Variants in COMMD1 observed in about 807,000 individuals in gnomAD.
COMMD1 encodes copper metabolism domain containing 1, also known as COMM domain-containing protein 1.
COMMD1 carries 10 observed loss-of-function variants against 17.2 expected under a neutral mutation model. That is an observed-to-expected ratio of 0.58 (90% CI 0.36 to 0.99). The LOEUF (loss-of-function observed/expected upper bound fraction) is 0.99, where lower values mean the gene tolerates loss of function less well. Ranked by LOEUF, COMMD1 falls within the 50% of genes least tolerant of loss-of-function variation. COMMD1 has a pLI of 0.01. For missense variants in COMMD1, 270 were observed against 231.8 expected, an observed-to-expected ratio of 1.17 and a Z score of -1.07; for synonymous variants, 97 against 91.6, an observed-to-expected ratio of 1.06 and a Z score of -0.34.
At chr2:62,121,897 TC>T (rs1437863319) in intron 2 of COMMD1, among the ~76,000 whole-genome samples, 2 of 152,156 alleles carry the variant, frequency 1.3e-5, no homozygotes, top group Admixed American at 1.3e-4. Flanking sequence ...GCTCAGGTGA[TC>T]CTCCCACCTC....
At chr2:62,096,732 ATGTCCCAAATACTTAAC>A (rs1672021788) in intron 2 of COMMD1, among the ~76,000 whole-genome samples, 1 of 152,218 alleles carries the variant, frequency 6.6e-6, no homozygotes, top group African/African-American at 2.4e-5. Flanking sequence ...GGGAAATCAT[ATGTCCCAAATACTTAAC>A]TTGGGGAGGC....
intron 2 of COMMD1, among the ~76,000 whole-genome samples, chr2:62,088,761 C>A (rs1179036501): frequency 6.6e-6 from 1 of 152,188 alleles, no homozygotes; most frequent in Non-Finnish European, 1.5e-5. Flanking sequence ...GAGATTTATT[C>A]TGAGCTAAAT....
intron 1 of COMMD1, among the ~76,000 whole-genome samples, chr2:61,981,880 G>T (rs1671963785): frequency 6.6e-6 from 1 of 152,132 alleles, no homozygotes; most frequent in African/African-American, 2.4e-5. Flanking sequence ...AACCATATCA[G>T]TTACTATAGC....
At chr2:62,134,931 A>G (rs1408254847) in intron 2 of COMMD1, among the ~76,000 whole-genome samples, 1 of 152,220 alleles carries the variant, frequency 6.6e-6, no homozygotes, top group African/African-American at 2.4e-5. Flanking sequence ...AGATCTGGTT[A>G]TCTTTCAGTT....
intron 1 of COMMD1, among the ~76,000 whole-genome samples, chr2:61,898,422 G>A (rs1669594536): frequency 1.3e-5 from 2 of 152,186 alleles, no homozygotes; most frequent in Admixed American, 1.3e-4. Context: ...TTTGCAGTAA[G>A]CTGGGATCAC....
At chr2:62,038,236 C>T (rs957696781) in intron 2 of COMMD1, among the ~76,000 whole-genome samples, 4 of 152,066 alleles carry the variant, frequency 2.6e-5, no homozygotes, top group East Asian at 1.9e-4. Flanking sequence ...TGCAGTCAGC[C>T]GAGATGGCGC....
intron 2 of COMMD1, among the ~76,000 whole-genome samples, chr2:62,110,943 A>C (rs896570222): frequency 2.0e-5 from 3 of 152,120 alleles, no homozygotes; most frequent in African/African-American, 7.2e-5. Context: ...TCTCTGAAAC[A>C]AAAAAAGAGT....
intron 2 of COMMD1, among the ~76,000 whole-genome samples, chr2:62,071,503 G>A (rs572453915): frequency 6.6e-6 from 1 of 152,024 alleles, no homozygotes; most frequent in African/African-American, 2.4e-5. Context: ...AGCCTGGTAG[G>A]TCTCAGCCTT....
intron 2 of COMMD1, among the ~76,000 whole-genome samples, chr2:62,036,031 G>T (rs964535897): frequency 1.3e-5 from 2 of 151,038 alleles, no homozygotes; most frequent in African/African-American, 2.5e-5. Context: ...TCCAGCCTGG[G>T]TGATAGAGTG....
intron 2 of COMMD1, among the ~76,000 whole-genome samples, chr2:62,021,370 G>C (rs1669610839): frequency 6.6e-6 from 1 of 151,462 alleles, no homozygotes; most frequent in Non-Finnish European, 1.5e-5. Flanking sequence ...TGAGAGGTCT[G>C]GGAGTCTTCA....
intron 1 of COMMD1, among the ~76,000 whole-genome samples, chr2:61,959,065 G>C (rs1174659365): frequency 6.6e-6 from 1 of 152,044 alleles, no homozygotes; most frequent in African/African-American, 2.4e-5. Flanking sequence ...AGTTAGCATT[G>C]TTTGTTTATT....
intron 2 of COMMD1, among the ~76,000 whole-genome samples, chr2:62,044,828 C>T (rs1025830342): frequency 7.0e-6 from 1 of 143,730 alleles, no homozygotes; most frequent in African/African-American, 2.7e-5. Context: ...AAGGAGCAAG[C>T]TCCTAACTTA....
At chr2:62,024,775 G>A (rs1005244330) in intron 2 of COMMD1, among the ~76,000 whole-genome samples, 2 of 151,910 alleles carry the variant, frequency 1.3e-5, no homozygotes, top group African/African-American at 2.4e-5. Flanking sequence ...TGATGCCATC[G>A]GACCTGTAAT....
chr2:62,044,237 TAGATTTTACTTTGC>T (rs377549139), intron 2 of COMMD1, among the ~76,000 whole-genome samples: 244 of 152,338 alleles, frequency 1.6e-3, no homozygotes, highest in African/African-American at 5.6e-3. Context: ...TAACCAAGAC[TAGATTTTACTTTGC>T]AGATTTACTT....
Position 62,015,205 on chromosome 2 carries a change from T to TAAC in COMMD1, c.462+14224_462+14226dup, listed in dbSNP as rs1157699855. ...CAATTTCCATCTCTTCAGCCCCTGG[T>TAAC]AACCTCTTTTCTACTTTTTTCTCTG... On this transcript the variant is annotated intron_variant, in intron 2 of 2. Transcript: ENST00000311832. 2.0e-5 allele frequency among the ~76,000 whole-genome samples: 3 copies of TAAC among 152,338 alleles called. No homozygotes were observed. The East Asian group carries it at 5.8e-4, about 29-fold the overall frequency.
At chr2:61,903,240 TTGAGAC>T (rs1669696910), upstream of COMMD1, among the ~76,000 whole-genome samples, 1 of 152,034 alleles carries the variant, frequency 6.6e-6, no homozygotes, top group Non-Finnish European at 1.5e-5. Context: ...GGTCAGGAGT[TTGAGAC>T]CAGCCTGGCC....
chr2:61,890,296 C>T (rs996899007), intron 1 of COMMD1, among the ~76,000 whole-genome samples: 4 of 152,170 alleles, frequency 2.6e-5, no homozygotes, highest in East Asian at 1.9e-4. Flanking sequence ...CTCGGCTCAC[C>T]GCAACCTCCG....
intron 2 of COMMD1, among the ~76,000 whole-genome samples, chr2:62,024,372 A>G (rs1176702870): frequency 6.6e-6 from 1 of 152,192 alleles, no homozygotes; most frequent in Non-Finnish European, 1.5e-5. Flanking sequence ...GCGCACCACC[A>G]TGCTGGCTAA....
chr2:61,990,170 A>C (rs13432409), intron 1 of COMMD1, among the ~76,000 whole-genome samples: 1 of 152,102 alleles, frequency 6.6e-6, no homozygotes, highest in Non-Finnish European at 1.5e-5. Flanking sequence ...GCTCAAAAGC[A>C]ATGGTAGGAA....
Sources: allele counts gnomAD v4.1 joint callset (sites outside exome capture counted in the v4.1 genomes callset), GRCh38; gene constraint gnomAD v4.1.1; transcripts MANE v1.5; gene names NCBI Gene and HGNC (gene_info 2026-07-23, HGNC 2026-07-21).